Variants in NEGR1 observed in about 807,000 individuals in gnomAD.
NEGR1 encodes the protein IgLON family member 4.
In NEGR1, 10 loss-of-function variants were observed where a neutral mutation model predicts 40.9. The observed-to-expected ratio is 0.24, with a 90% CI of 0.15 to 0.42. The LOEUF is 0.42. Ranked by LOEUF, NEGR1 falls within the 10% of genes least tolerant of loss-of-function variation. The pLI, the probability that NEGR1 is intolerant of heterozygous loss-of-function variation, is 1.00. For synonymous variants in NEGR1, 185 were observed against 166.8 expected (o/e 1.11, Z -0.84); for missense variants, 352 against 438.9 (o/e 0.80, Z 1.77).
chr1:71,758,006 G>C (rs1655800620), intron 3 of NEGR1, among the ~76,000 whole-genome samples: 1 of 151,698 alleles, frequency 6.6e-6, no homozygotes, highest in Admixed American at 6.6e-5. Flanking sequence ...TATCTCTTTT[G>C]TGTAACAACC....
At chr1:72,080,373 C>T (rs1166875448) in intron 1 of NEGR1, among the ~76,000 whole-genome samples, 1 of 151,724 alleles carries the variant, frequency 6.6e-6, no homozygotes, top group Non-Finnish European at 1.5e-5. Flanking sequence ...CCAGATTTAT[C>T]GTATTATTTA....
intron 6 of NEGR1, among the ~76,000 whole-genome samples, chr1:71,506,666 G>A (rs115482503): frequency 6.8e-4 from 103 of 152,246 alleles, no homozygotes; most frequent in African/African-American, 2.2e-3. Context: ...AGAGGGGAAC[G>A]AAAGACATCA....
chr1:71,760,941 A>T (rs564425662), intron 3 of NEGR1, among the ~76,000 whole-genome samples: 1 of 152,302 alleles, frequency 6.6e-6, no homozygotes, highest in East Asian at 1.9e-4. Context: ...AACTGTAATG[A>T]CTTAAACTAT....
chr1:72,227,531 G>A (rs1654230711), intron 1 of NEGR1, among the ~76,000 whole-genome samples: 1 of 152,022 alleles, frequency 6.6e-6, no homozygotes, highest in Non-Finnish European at 1.5e-5. Context: ...GGAGGAACAG[G>A]GCTGAATATT....
chr1:71,475,420 G>T (rs1297457183), intron 6 of NEGR1, among the ~76,000 whole-genome samples: 1 of 151,932 alleles, frequency 6.6e-6, no homozygotes, highest in Non-Finnish European at 1.5e-5. Flanking sequence ...GAAATATAAA[G>T]AATTAGTTAT....
intron 1 of NEGR1, among the ~76,000 whole-genome samples, chr1:72,221,040 A>G (rs936444630): frequency 5.9e-5 from 9 of 151,972 alleles, no homozygotes; most frequent in Non-Finnish European, 1.3e-4. Flanking sequence ...TGGAAGTTAG[A>G]AATGTGAAAT....
At chr1:72,064,674 A>G (rs967190231) in intron 1 of NEGR1, among the ~76,000 whole-genome samples, 2 of 152,054 alleles carry the variant, frequency 1.3e-5, no homozygotes, top group Admixed American at 6.6e-5. Flanking sequence ...CAAAATGTAC[A>G]CTGCAACCAT....
intron 1 of NEGR1, among the ~76,000 whole-genome samples, chr1:72,114,264 C>T (rs77638499): frequency 1.4e-3 from 211 of 151,480 alleles, no homozygotes; most frequent in African/African-American, 4.9e-3. Flanking sequence ...GGGTTAAAGG[C>T]CTTAATAGAA....
At chr1:71,504,229 A>G (rs749866234) in intron 6 of NEGR1, among the ~76,000 whole-genome samples, 1 of 152,040 alleles carries the variant, frequency 6.6e-6, no homozygotes, top group Non-Finnish European at 1.5e-5. Flanking sequence ...AAAAATTACA[A>G]AAAAAGATTG....
intron 1 of NEGR1, among the ~76,000 whole-genome samples, chr1:72,008,316 G>A (rs893707040): frequency 6.6e-6 from 1 of 152,048 alleles, no homozygotes; most frequent in Admixed American, 6.6e-5. Flanking sequence ...CCATGGTGCT[G>A]CTCTTTCCAT....
At chr1:71,785,680 C>A (rs1011429765) in intron 2 of NEGR1, among the ~76,000 whole-genome samples, 1 of 152,280 alleles carries the variant, frequency 6.6e-6, no homozygotes, top group East Asian at 1.9e-4. Flanking sequence ...TGGCAGTGAA[C>A]TATTTTCCCT....
At chr1:71,991,041 C>T (rs1201906563) in intron 1 of NEGR1, among the ~76,000 whole-genome samples, 1 of 151,876 alleles carries the variant, frequency 6.6e-6, no homozygotes, top group African/African-American at 2.4e-5. Context: ...AATAAATATC[C>T]TGTAGTTCAG....
intron 3 of NEGR1, among the ~76,000 whole-genome samples, chr1:71,762,189 C>A (rs556327643): frequency 3.5e-4 from 52 of 148,152 alleles, no homozygotes; most frequent in African/African-American, 1.3e-3. Context: ...AAAACTCTGG[C>A]AATAAGATAG....
At chr1:71,809,056 C>T (rs1236642747) in intron 2 of NEGR1, among the ~76,000 whole-genome samples, 1 of 152,138 alleles carries the variant, frequency 6.6e-6, no homozygotes, top group African/African-American at 2.4e-5. Flanking sequence ...TTACCTATTG[C>T]TTATTAAACA....
chr1:72,061,279 G>C (rs1044388574), intron 1 of NEGR1, among the ~76,000 whole-genome samples: 1 of 151,716 alleles, frequency 6.6e-6, no homozygotes, highest in Non-Finnish European at 1.5e-5. Flanking sequence ...ATTAACATCT[G>C]ACTGTATTGA....
At chr1:72,108,248 A>T (rs1171306297) in intron 1 of NEGR1, among the ~76,000 whole-genome samples, 2 of 151,744 alleles carry the variant, frequency 1.3e-5, no homozygotes, top group East Asian at 3.9e-4. Flanking sequence ...TTTACCACCA[A>T]ATATGGTGTT....
rs1254765590 is a variant in NEGR1 at position 71,399,102 on chromosome 1, G to A, written c.*8344C>T. On this transcript the variant is annotated 3_prime_UTR_variant, in exon 7 of 7. Transcript: ENST00000357731. ...AACTGACTAATATACCACTATACAA[G>A]TTCTTACATTACCTGATGAAAGATA... is the stretch of plus-strand genomic sequence containing the variant. 6.6e-6 allele frequency: 1 copy of A among 152,056 alleles called. No homozygotes were observed. Among genetic ancestry groups the A allele is most frequent in the African/African-American group, 2.4e-5 (1 of 41,392 alleles). 9.4% of individuals were successfully genotyped at this position (152,056 alleles called of 1,614,324 possible). A position where few individuals can be genotyped will look rare whatever the true frequency, so the allele number is the denominator to read the frequency against.
chr1:71,442,784 C>T (rs1306291764), intron 6 of NEGR1, among the ~76,000 whole-genome samples: 3 of 152,148 alleles, frequency 2.0e-5, no homozygotes, highest in African/African-American at 4.8e-5. Flanking sequence ...CAGTAGTAAT[C>T]CCTCTGCTGG....
chr1:72,083,420 G>A (rs1209151943), intron 1 of NEGR1, among the ~76,000 whole-genome samples: 1 of 151,992 alleles, frequency 6.6e-6, no homozygotes, highest in East Asian at 1.9e-4. Flanking sequence ...GTTCACAGGT[G>A]AAATCATAGC....
Sources: gnomAD v4.1 joint callset for allele counts (sites outside exome capture counted in the v4.1 genomes callset) on GRCh38, gnomAD v4.1.1 for gene constraint, MANE v1.5 for transcripts, NCBI Gene and HGNC (gene_info 2026-07-23, HGNC 2026-07-21) for gene names.